The following DRC11 variants were observed in gnomAD, a reference collection of about 807,000 sequenced individuals.
DRC11 encodes the protein dynein regulatory complex subunit 11.
At chr2:236,335,221 T>A in the DRC11 span, among the ~76,000 whole-genome samples, 2 of 152,194 alleles carry the variant, frequency 1.3e-5, no homozygotes, top group Non-Finnish European at 2.9e-5. The surrounding 1 kb of genome is among the most constrained non-coding windows in gnomAD (Gnocchi z 5.6). Flanking sequence ...GCCCTTGCTT[T>A]ATGGACTGGA....
the DRC11 span, chr2:236,507,145 G>T: frequency 9.5e-7 from 1 of 1,057,966 alleles, no homozygotes; most frequent in Non-Finnish European, 1.4e-6. Context: ...GAGGGAAGTT[G>T]AGAGGGGAGG....
At chr2:236,480,164 G>A in the DRC11 span, among the ~76,000 whole-genome samples, 1 of 151,694 alleles carries the variant, frequency 6.6e-6, no homozygotes, top group African/African-American at 2.4e-5. Flanking sequence ...GTTGCTTTTA[G>A]AATCCCATTG....
the DRC11 span, among the ~76,000 whole-genome samples, chr2:236,322,481 C>T: frequency 4.9e-4 from 74 of 151,956 alleles, no homozygotes; most frequent in African/African-American, 1.0e-3. Context: ...CTCCTGACCT[C>T]GTGATCCACC....
At chr2:236,425,701 T>G in the DRC11 span, among the ~76,000 whole-genome samples, 2 of 152,016 alleles carry the variant, frequency 1.3e-5, no homozygotes, top group African/African-American at 4.8e-5. Context: ...ATCCAGAAAA[T>G]CACTGCCCAG....
At chr2:236,371,949 A>T in the DRC11 span, among the ~76,000 whole-genome samples, 1 of 152,172 alleles carries the variant, frequency 6.6e-6, no homozygotes, top group Non-Finnish European at 1.5e-5. This position sits in a 1 kb window ranked among gnomAD's most constrained non-coding sequence, Gnocchi z 5.1. Flanking sequence ...TTACACAGAT[A>T]CCCAAAGGCA....
the DRC11 span, among the ~76,000 whole-genome samples, chr2:236,370,644 T>G: frequency 1.3e-5 from 2 of 152,034 alleles, no homozygotes; most frequent in Non-Finnish European, 2.9e-5. The surrounding 1 kb of genome is among the most constrained non-coding windows in gnomAD (Gnocchi z 5.5). Context: ...TAAATCACCT[T>G]GGTAGTATAG....
chr2:236,491,153 C>CACACAGTATATATATATATATATAT, the DRC11 span, among the ~76,000 whole-genome samples: 20 of 52,016 alleles, frequency 3.8e-4, 1 homozygote, highest in African/African-American at 2.0e-3. Flanking sequence ...TATATATATA[C>CACACAGTATATATATATATATATAT]ACACAGTATA....
At chr2:236,465,373 C>T in the DRC11 span, 1 of 723,682 alleles carries the variant, frequency 1.4e-6, no homozygotes, top group Non-Finnish European at 2.3e-6. The surrounding 1 kb of genome is among the most constrained non-coding windows in gnomAD (Gnocchi z 6.2). Flanking sequence ...TTAGCCTTGG[C>T]ATTTCACGTT....
the DRC11 span, among the ~76,000 whole-genome samples, chr2:236,358,040 A>T: frequency 8.4e-6 from 1 of 119,346 alleles, no homozygotes; most frequent in Non-Finnish European, 1.6e-5. Flanking sequence ...ATATATATTT[A>T]TAATATATAG....
the DRC11 span, chr2:236,368,499 C>T: frequency 5.4e-6 from 3 of 554,174 alleles, no homozygotes; most frequent in Non-Finnish European, 9.6e-6. Context: ...GGCAAGAAAG[C>T]CCTGCTCTAC....
the DRC11 span, chr2:236,497,407 G>T: frequency 6.2e-7 from 1 of 1,613,718 alleles, no homozygotes; most frequent in Non-Finnish European, 8.5e-7. The surrounding 1 kb of genome is among the most constrained non-coding windows in gnomAD (Gnocchi z 5.1). Flanking sequence ...ATTTCTTTGT[G>T]GTTCAATCAT....
chr2:236,338,738 T>G, the DRC11 span, among the ~76,000 whole-genome samples: 1 of 152,194 alleles, frequency 6.6e-6, no homozygotes, highest in African/African-American at 2.4e-5. Flanking sequence ...CTAAGTTGTT[T>G]GGAAGCTGGA....
the DRC11 span, chr2:236,408,340 T>A: frequency 3.9e-6 from 3 of 769,198 alleles, no homozygotes; most frequent in Non-Finnish European, 7.3e-6. This position sits in a 1 kb window ranked among gnomAD's most constrained non-coding sequence, Gnocchi z 5.5. Context: ...CAAGCCTCAG[T>A]GGGTCTTGCA....
chr2:236,369,133 T>C, the DRC11 span: 3 of 152,250 alleles, frequency 2.0e-5, no homozygotes, highest in African/African-American at 7.2e-5. The surrounding 1 kb of genome is among the most constrained non-coding windows in gnomAD (Gnocchi z 4.5). Context: ...TCCCTGATGC[T>C]TTCTTCCTAT....
At chr2:236,416,847 G>A in the DRC11 span, among the ~76,000 whole-genome samples, 9 of 147,410 alleles carry the variant, frequency 6.1e-5, no homozygotes, top group Admixed American at 1.4e-4. Context: ...TGCAACCTCC[G>A]CCTCCTGGGT....
At chr2:236,468,810 G>C in the DRC11 span, among the ~76,000 whole-genome samples, 4 of 152,212 alleles carry the variant, frequency 2.6e-5, no homozygotes, top group Admixed American at 2.6e-4. Flanking sequence ...TCTGATGAAA[G>C]TGTAAAATTG....
the DRC11 span, among the ~76,000 whole-genome samples, chr2:236,452,640 G>A: frequency 6.6e-6 from 1 of 152,234 alleles, no homozygotes. This position sits in a 1 kb window ranked among gnomAD's most constrained non-coding sequence, Gnocchi z 4.7. Context: ...TCTCAAAGGA[G>A]GGGAGGAAAA....
the DRC11 span, among the ~76,000 whole-genome samples, chr2:236,347,369 C>T: frequency 6.6e-6 from 1 of 152,154 alleles, no homozygotes; most frequent in East Asian, 1.9e-4. Flanking sequence ...AATCCCACTA[C>T]TGTACCTACC....
chr2:236,344,658 G>A, the DRC11 span: 2 of 1,599,962 alleles, frequency 1.3e-6, no homozygotes, highest in South Asian at 2.2e-5. Context: ...AGAGGAAAAG[G>A]CAGGGCCCTG....
Sources: allele counts gnomAD v4.1 joint callset (sites outside exome capture counted in the v4.1 genomes callset), GRCh38; gene constraint gnomAD v4.1.1; non-coding constraint Gnocchi (gnomAD v3.1); transcripts MANE v1.5; gene names NCBI Gene and HGNC (gene_info 2026-07-23, HGNC 2026-07-21).